The following CLSTN2 variants were observed in gnomAD, a reference collection of about 807,000 sequenced individuals.
The protein encoded by CLSTN2 is calsyntenin-2.
CLSTN2 carries 48 observed loss-of-function variants against 101.2 expected under a neutral mutation model. The observed-to-expected ratio is 0.47, with a 90% CI of 0.38 to 0.60. The LOEUF (loss-of-function observed/expected upper bound fraction) is 0.60, where lower values mean the gene tolerates loss of function less well. Among genes scored for constraint, CLSTN2 ranks in the 20% least tolerant of loss-of-function variants. The pLI is 0.00. For missense variants in CLSTN2, 1,160 were observed against 1,238.2 expected (o/e 0.94, Z 0.95); for synonymous variants, 481 against 463.6 (o/e 1.04, Z -0.48).
intron 1 of CLSTN2, among the ~76,000 whole-genome samples, chr3:140,084,894 G>T (rs909220963): frequency 6.6e-6 from 1 of 152,196 alleles, no homozygotes; most frequent in African/African-American, 2.4e-5. Flanking sequence ...GACTCAACCT[G>T]TGTATGAGTT....
At chr3:140,357,172 G>C (rs2087679665) in intron 2 of CLSTN2, among the ~76,000 whole-genome samples, 1 of 152,190 alleles carries the variant, frequency 6.6e-6, no homozygotes, top group African/African-American at 2.4e-5. Flanking sequence ...AGCTCCTAGT[G>C]AAGGGTCGGG....
At chr3:140,565,062 C>G (rs190273304) in intron 16 of CLSTN2, among the ~76,000 whole-genome samples, 14 of 152,356 alleles carry the variant, frequency 9.2e-5, no homozygotes, top group Non-Finnish European at 1.8e-4. Context: ...CAGTGCTATA[C>G]AGACTCCAGA....
At chr3:140,354,628 C>A (rs1373300614) in intron 2 of CLSTN2, among the ~76,000 whole-genome samples, 1 of 152,126 alleles carries the variant, frequency 6.6e-6, no homozygotes, top group Non-Finnish European at 1.5e-5. Context: ...GCCACCCTAG[C>A]CTACATTGTA....
chr3:139,938,255 G>A (rs1935064665), intron 1 of CLSTN2, among the ~76,000 whole-genome samples: 1 of 152,030 alleles, frequency 6.6e-6, no homozygotes, highest in Middle Eastern at 3.2e-3. Flanking sequence ...CTGGAGTCAA[G>A]CTTTCTGACA....
At chr3:140,140,586 C>T (rs557108354) in intron 1 of CLSTN2, among the ~76,000 whole-genome samples, 10 of 152,182 alleles carry the variant, frequency 6.6e-5, no homozygotes, top group African/African-American at 1.2e-4. Context: ...CATTTCAACA[C>T]GAGACCTGGA....
intron 2 of CLSTN2, among the ~76,000 whole-genome samples, chr3:140,295,546 A>C (rs948857759): frequency 1.3e-5 from 2 of 152,176 alleles, no homozygotes; most frequent in African/African-American, 2.4e-5. Context: ...GTTTAAAGTG[A>C]TATAAAGTTC....
chr3:140,001,094 G>A (rs1241376895), intron 1 of CLSTN2, among the ~76,000 whole-genome samples: 1 of 152,174 alleles, frequency 6.6e-6, no homozygotes, highest in Non-Finnish European at 1.5e-5. Context: ...GGAAATTGAA[G>A]CTTGGAAGAG....
chr3:140,321,355 A>G (rs1011743250), intron 2 of CLSTN2, among the ~76,000 whole-genome samples: 3 of 151,992 alleles, frequency 2.0e-5, no homozygotes, highest in African/African-American at 7.2e-5. Flanking sequence ...AGCTCTGTCA[A>G]TCTCCTATGT....
At chr3:140,295,064 C>A (rs137991506) in intron 2 of CLSTN2, among the ~76,000 whole-genome samples, 1 of 152,236 alleles carries the variant, frequency 6.6e-6, no homozygotes, top group East Asian at 1.9e-4. Flanking sequence ...CACAGACATT[C>A]GGTCCATAAT....
In CLSTN2 at chr3:140,448,574, C is replaced by T; in HGVS notation, c.843C>T (p.Pro281=). ...GCTCCGGGAGCATGCCCCTGTTCCCCAGCATCCACCTGGAGACGTGCGATG... is the reference window on the plus strand; with the variant it reads ...GCTCCGGGAGCATGCCCCTGTTCCCTAGCATCCACCTGGAGACGTGCGATG... The part of the protein sequence containing the change: ...QPGSGSMPLF[P]SIHLETCDGA... The change falls in exon 6 of 17, where the codon CCC becomes CCT. Residue 281 remains proline (P), a synonymous_variant. Transcript: ENST00000458420. 1 of 1,614,094 alleles carries T rather than the reference C, an allele frequency of 6.2e-7. No individual in the cohort carries two copies. The highest frequency in any genetic ancestry group is 8.5e-7 in the Non-Finnish European group (1 of 1,179,984).
intron 1 of CLSTN2, among the ~76,000 whole-genome samples, chr3:140,129,200 A>T (rs1275039638): frequency 6.6e-6 from 1 of 151,860 alleles, no homozygotes; most frequent in Non-Finnish European, 1.5e-5. Flanking sequence ...CAAACTAATT[A>T]TGGGCTCCTA....
At chr3:140,055,625 G>A (rs2008082371) in intron 1 of CLSTN2, among the ~76,000 whole-genome samples, 1 of 152,164 alleles carries the variant, frequency 6.6e-6, no homozygotes, top group Non-Finnish European at 1.5e-5. Flanking sequence ...TAAAACTAAA[G>A]CGTTCAGCGT....
At chr3:140,494,039 G>T (rs1934402223) in intron 8 of CLSTN2, among the ~76,000 whole-genome samples, 1 of 152,008 alleles carries the variant, frequency 6.6e-6, no homozygotes, top group Non-Finnish European at 1.5e-5. Flanking sequence ...CTCCATACAA[G>T]AAAAAAATCT....
intron 8 of CLSTN2, among the ~76,000 whole-genome samples, chr3:140,520,143 G>C (rs993871002): frequency 2.0e-5 from 3 of 152,116 alleles, no homozygotes; most frequent in African/African-American, 7.2e-5. Flanking sequence ...AGTATCTTCT[G>C]GCTTGTAGGG....
intron 1 of CLSTN2, among the ~76,000 whole-genome samples, chr3:140,008,366 G>A (rs951578201): frequency 6.6e-6 from 1 of 152,220 alleles, no homozygotes; most frequent in Admixed American, 6.5e-5. Context: ...CCAAGGCTCA[G>A]GTCGCCTCTG....
At chr3:140,177,449 T>C (rs2010341987) in intron 2 of CLSTN2, among the ~76,000 whole-genome samples, 1 of 152,054 alleles carries the variant, frequency 6.6e-6, no homozygotes, top group Non-Finnish European at 1.5e-5. Flanking sequence ...TAAACAAATA[T>C]TAGTAAAAAT....
intron 8 of CLSTN2, chr3:140,505,737 C>CAAGGAGCAAGTTTAAAAAGAGGTGG (rs1553749968): frequency 6.6e-6 from 1 of 152,112 alleles, no homozygotes; most frequent in Non-Finnish European, 1.5e-5. Context: ...TTTAAACTTG[C>CAAGGAGCAAGTTTAAAAAGAGGTGG]AAGGAGGATT....
chr3:139,964,546 C>G (rs1291930973), intron 1 of CLSTN2, among the ~76,000 whole-genome samples: 2 of 152,166 alleles, frequency 1.3e-5, no homozygotes, highest in African/African-American at 2.4e-5. Flanking sequence ...AAGGGAGGAA[C>G]CTGCCATTGT....
At chr3:140,432,777 A>G (rs191848569) in intron 5 of CLSTN2, among the ~76,000 whole-genome samples, 7 of 152,320 alleles carry the variant, frequency 4.6e-5, no homozygotes, top group Admixed American at 2.0e-4. Flanking sequence ...TCTAGGTCCA[A>G]TAACATCAGC....
Sources: gnomAD v4.1 joint callset for allele counts (sites outside exome capture counted in the v4.1 genomes callset) on GRCh38, gnomAD v4.1.1 for gene constraint, MANE v1.5 for transcripts, NCBI Gene and HGNC (gene_info 2026-07-23, HGNC 2026-07-21) for gene names.